Variants in EXT2 observed in about 807,000 individuals in gnomAD.
The protein encoded by EXT2 is exostosin-2.
A neutral mutation model predicts 81.6 loss-of-function variants in EXT2; 53 were observed. The observed-to-expected ratio is 0.65, with a 90% CI of 0.52 to 0.82. The LOEUF is 0.82. EXT2 is among the 40% of genes least tolerant of loss of function. The pLI is 0.00. For synonymous variants in EXT2, 320 were observed against 340.0 expected, an observed-to-expected ratio of 0.94 and a Z score of 0.65; for missense variants, 774 against 910.2, an observed-to-expected ratio of 0.85 and a Z score of 1.93.
At chr11:44,096,975 C>T (rs1316005037) in intron 1 of EXT2, among the ~76,000 whole-genome samples, 1 of 152,106 alleles carries the variant, frequency 6.6e-6, no homozygotes, top group Admixed American at 6.5e-5. Context: ...ATTCACTTTC[C>T]CCGACTTCCT....
intron 7 of EXT2, among the ~76,000 whole-genome samples, chr11:44,143,047 G>T (rs572729116): frequency 6.6e-6 from 1 of 152,182 alleles, no homozygotes; most frequent in African/African-American, 2.4e-5. Context: ...TGCCTCCCAG[G>T]TTCGAGCGAT....
chr11:44,149,186 G>A (rs977020831), intron 7 of EXT2, among the ~76,000 whole-genome samples: 4 of 152,036 alleles, frequency 2.6e-5, no homozygotes, highest in Non-Finnish European at 5.9e-5. Context: ...ACACAGCAAG[G>A]CCCCATCTCT....
In EXT2 at chr11:44,186,070, A is replaced by G. The variant is rs148734820; in HGVS notation, c.1306-11759A>G. Among the ~76,000 whole-genome samples the G allele has an allele frequency of 1.4e-4, 22 of 152,352 alleles. No homozygotes were observed. The East Asian group carries it at 4.0e-3, about 28-fold the overall frequency. ...ACTAGTTTTTTCACTGAAGCATTTA[A>G]GTATTTTCAGTGTATTTATGAAGTA... On this transcript the variant is annotated intron_variant, in intron 8 of 13. Transcript: ENST00000533608.
intron 10 of EXT2, among the ~76,000 whole-genome samples, chr11:44,216,370 T>C (rs2135227894): frequency 6.6e-6 from 1 of 152,314 alleles, no homozygotes; most frequent in Admixed American, 6.5e-5. Flanking sequence ...CAAACTTCAA[T>C]GCATAAAAAA....
At chr11:44,166,866 G>A (rs995728656) in intron 7 of EXT2, among the ~76,000 whole-genome samples, 5 of 152,182 alleles carry the variant, frequency 3.3e-5, no homozygotes, top group Non-Finnish European at 7.3e-5. Flanking sequence ...ATAAGAAACT[G>A]CCTTCTTTCA....
chr11:44,229,991 C>A (rs935624935), intron 10 of EXT2, among the ~76,000 whole-genome samples: 1 of 152,158 alleles, frequency 6.6e-6, no homozygotes, highest in Non-Finnish European at 1.5e-5. Context: ...ACATAATAAA[C>A]AATAAATAAC....
At position 44,127,796 on chromosome 11, in the gene EXT2, C is replaced by T. The variant is rs149277563; in HGVS notation, c.1079+841C>T. 8.8e-3 allele frequency among the ~76,000 whole-genome samples: 1,278 copies of T among 144,416 alleles called. 22 individuals are homozygous for T. The highest frequency in any genetic ancestry group is 0.03 in the African/African-American group (1,189 of 39,084). The allele number at this position is 144,416 out of a possible 152,430, so 94.7% of individuals were successfully genotyped here. ...GTAGTCAGAGTTGAGAACCACTGGT[C>T]TAGAGTCTATTGAATTTGCATAATG... is the stretch of plus-strand genomic sequence containing the variant. On this transcript the variant is annotated intron_variant, in intron 6 of 13. Transcript: ENST00000533608.
chr11:44,172,794 G>A (rs1027096768), intron 8 of EXT2, among the ~76,000 whole-genome samples: 9 of 151,958 alleles, frequency 5.9e-5, no homozygotes, highest in African/African-American at 1.5e-4. Flanking sequence ...GGCTGGTCTC[G>A]AACGCCTGAC....
At chr11:44,238,219 G>C (rs1955993006) in intron 13 of EXT2, among the ~76,000 whole-genome samples, 1 of 152,144 alleles carries the variant, frequency 6.6e-6, no homozygotes, top group African/African-American at 2.4e-5. Context: ...TTAAGAGAAA[G>C]GATCTTGCTC....
intron 4 of EXT2, among the ~76,000 whole-genome samples, chr11:44,124,253 A>T (rs1954361876): frequency 1.3e-5 from 2 of 152,102 alleles, no homozygotes; most frequent in African/African-American, 4.8e-5. Flanking sequence ...TCTCCATTGC[A>T]CAGGGATGCT....
chr11:44,218,932 G>A (rs1352369441), intron 10 of EXT2, among the ~76,000 whole-genome samples: 1 of 151,014 alleles, frequency 6.6e-6, no homozygotes, highest in Non-Finnish European at 1.5e-5. Flanking sequence ...CGAGTAGCTG[G>A]GATTACAGGA....
At chr11:44,212,946 T>C (rs751426698) in intron 10 of EXT2, among the ~76,000 whole-genome samples, 6 of 152,196 alleles carry the variant, frequency 3.9e-5, no homozygotes, top group Non-Finnish European at 1.5e-5. Context: ...GTGATGGAAA[T>C]GTTTTATATT....
chr11:44,121,626 A>G (rs1954318092), intron 4 of EXT2, among the ~76,000 whole-genome samples: 1 of 127,194 alleles, frequency 7.9e-6, no homozygotes, highest in Non-Finnish European at 1.6e-5. Flanking sequence ...ATCCCTGCTC[A>G]GACTCTGACC....
chr11:44,120,394 C>T (rs1436632002), intron 4 of EXT2, among the ~76,000 whole-genome samples: 1 of 152,258 alleles, frequency 6.6e-6, no homozygotes, highest in African/African-American at 2.4e-5. Context: ...TGGATTTCTG[C>T]AACCTGGCTT....
chr11:44,237,902 T>TAA (rs374084527), intron 13 of EXT2, among the ~76,000 whole-genome samples: 674 of 56,372 alleles, frequency 0.012, 20 homozygotes, highest in Middle Eastern at 0.054. Flanking sequence ...CGTCTCTACT[T>TAA]AAAAAAAAAA....
At chr11:44,199,146 C>A (rs1276693267) in intron 9 of EXT2, among the ~76,000 whole-genome samples, 2 of 152,080 alleles carry the variant, frequency 1.3e-5, no homozygotes, top group Non-Finnish European at 2.9e-5. Context: ...TTCTCTTTCT[C>A]AACACTATAA....
intron 4 of EXT2, among the ~76,000 whole-genome samples, chr11:44,115,003 G>A (rs1181868308): frequency 2.0e-5 from 3 of 152,132 alleles, no homozygotes; most frequent in Non-Finnish European, 4.4e-5. Context: ...TTAGGTTTCA[G>A]CTTGAAACCA....
intron 8 of EXT2, 110 bp from the exon 9 acceptor site, chr11:44,197,719 T>C (rs967362911): frequency 4.8e-5 from 52 of 1,088,166 alleles, no homozygotes; most frequent in Non-Finnish European, 7.0e-5. Context: ...CTCTGGGATC[T>C]GTCCTGGTAA....
rs1324261517 is a variant in EXT2 at position 44,248,571 on chromosome 11, A to C, written c.*4284A>C. 6.6e-6 allele frequency among the ~76,000 whole-genome samples: 1 copy of C among 152,216 alleles called. No individual in the cohort carries two copies. Among genetic ancestry groups the C allele is most frequent in the African/African-American group, 2.4e-5 (1 of 41,452 alleles). On this transcript the variant is annotated 3_prime_UTR_variant, in exon 14 of 14. Transcript: ENST00000533608. Reference sequence around the variant, plus strand: ...TCTGTGAACAGGCCTTATTGAGCTTATCTTGGCAGAGGAAAGTCAGGCAGG... The same window carrying C: ...TCTGTGAACAGGCCTTATTGAGCTTCTCTTGGCAGAGGAAAGTCAGGCAGG...
Sources: allele counts gnomAD v4.1 joint callset (sites outside exome capture counted in the v4.1 genomes callset), GRCh38; gene constraint gnomAD v4.1.1; transcripts MANE v1.5; gene names NCBI Gene and HGNC (gene_info 2026-07-23, HGNC 2026-07-21).